The following KAT6B variants were observed in gnomAD, a reference collection of about 807,000 sequenced individuals.
KAT6B encodes the protein lysine acetyltransferase 6B, also known as histone acetyltransferase KAT6B.
Under a neutral mutation model 187.5 loss-of-function variants are expected in KAT6B, and 10 were observed. The observed-to-expected ratio is 0.05, with a 90% CI of 0.03 to 0.09. The LOEUF is 0.09. Ranked by LOEUF, KAT6B falls within the 10% of genes least tolerant of loss-of-function variation. The pLI, the probability that KAT6B is intolerant of heterozygous loss-of-function variation, is 1.00. For missense variants in KAT6B, 1,952 were observed against 2,558.9 expected (o/e 0.76, Z 5.12); for synonymous variants, 861 against 926.8 (o/e 0.93, Z 1.29).
In KAT6B at chr10:75,028,604, G is replaced by A. The variant is rs773926507; in HGVS notation, c.3780G>A (p.Arg1260=). ...KGTKRGLSKW[R]QNKERKTGFK... ...CAAAGCGCGGTCTATCTAAGTGGAG[G>A]CAAAACAAAGAGAGGAAGACCGGAT... The change falls in exon 18 of 18, where the codon AGG becomes AGA. Residue 1260 remains arginine (R), a synonymous_variant. Coordinates refer to ENST00000287239, the MANE Select transcript of KAT6B (RefSeq NM_012330.4). 6.2e-7 allele frequency: 1 copy of A among 1,614,128 alleles called. No individual in the cohort carries two copies. Among genetic ancestry groups the A allele is most frequent in the South Asian group, 1.1e-5 (1 of 91,074 alleles).
At chr10:74,834,750 C>T (rs1418272160) in intron 1 of KAT6B, among the ~76,000 whole-genome samples, 1 of 152,032 alleles carries the variant, frequency 6.6e-6, no homozygotes, top group African/African-American at 2.4e-5. Context: ...GAGCTCCTGG[C>T]CTCAAGTAAT....
At chr10:74,944,546 C>T (rs2133328559) in intron 3 of KAT6B, among the ~76,000 whole-genome samples, 1 of 152,250 alleles carries the variant, frequency 6.6e-6, no homozygotes, top group South Asian at 2.1e-4. Flanking sequence ...CGCGGTGGCT[C>T]ACGCCTGTAA....
intron 3 of KAT6B, among the ~76,000 whole-genome samples, chr10:74,898,472 A>G (rs1374814964): frequency 6.6e-6 from 1 of 151,744 alleles, no homozygotes; most frequent in Non-Finnish European, 1.5e-5. Flanking sequence ...TTTTAAGGGA[A>G]TAGGGTCTTA....
chr10:74,903,896 AT>A (rs1358305096), intron 3 of KAT6B, among the ~76,000 whole-genome samples: 1 of 152,242 alleles, frequency 6.6e-6, no homozygotes, highest in African/African-American at 2.4e-5. Flanking sequence ...AAACTGGTGT[AT>A]GGAATCAGGA....
intron 17 of KAT6B, among the ~76,000 whole-genome samples, chr10:75,026,816 G>A (rs537640005): frequency 1.1e-4 from 17 of 152,028 alleles, no homozygotes; most frequent in Non-Finnish European, 1.8e-4. Context: ...ACAAAAGCCG[G>A]TAGGTCCAGT....
At chr10:74,845,291 G>C (rs1842010699) in intron 3 of KAT6B, among the ~76,000 whole-genome samples, 1 of 152,014 alleles carries the variant, frequency 6.6e-6, no homozygotes, top group South Asian at 2.1e-4. Context: ...ACTTTGGGAG[G>C]CTGAGGTGGG....
intron 13 of KAT6B, among the ~76,000 whole-genome samples, chr10:75,017,113 T>A (rs1261619921): frequency 6.6e-6 from 1 of 151,664 alleles, no homozygotes. Context: ...TCTGCCCACC[T>A]CAGCCTCCCA....
chr10:74,928,677 T>G (rs1158857968), intron 3 of KAT6B, among the ~76,000 whole-genome samples: 1 of 152,196 alleles, frequency 6.6e-6, no homozygotes, highest in East Asian at 1.9e-4. Flanking sequence ...GAGAAAGAAA[T>G]ATTTAGTTTT....
At chr10:74,965,779 G>A (rs912927922) in intron 4 of KAT6B, among the ~76,000 whole-genome samples, 1 of 151,078 alleles carries the variant, frequency 6.6e-6, no homozygotes. Context: ...AGGCTGGAGT[G>A]CAGTGGCGTG....
chr10:74,881,642 C>T (rs1183530871), intron 3 of KAT6B, among the ~76,000 whole-genome samples: 2 of 152,140 alleles, frequency 1.3e-5, no homozygotes, highest in Admixed American at 1.3e-4. Context: ...CATTAACCAG[C>T]ACACAGATGG....
At position 74,843,452 on chromosome 10, in the gene KAT6B, A is replaced by G. The variant is rs1402706252; in HGVS notation, c.595A>G (p.Ser199Gly). 2 of 1,613,728 alleles carry G rather than the reference A, an allele frequency of 1.2e-6. No homozygotes were observed. Among genetic ancestry groups the G allele is most frequent in the Non-Finnish European group, 1.7e-6 (2 of 1,180,044 alleles). ...ATTCCCATCCTCGCTCCCACCTGTC[A>G]GCCTTCTACCCCATGAGAAAGACCA... ...SAFPSSLPPV[S>G]LLPHEKDQPR... Residue 199 changes from serine (S) to glycine (G), a missense_variant, in exon 3 of 18, where the codon AGC (serine) becomes GGC (glycine). Coordinates refer to ENST00000287239, the MANE Select transcript of KAT6B (RefSeq NM_012330.4).
intron 3 of KAT6B, among the ~76,000 whole-genome samples, chr10:74,906,577 A>G (rs774310001): frequency 1.1e-4 from 16 of 152,204 alleles, no homozygotes; most frequent in Non-Finnish European, 2.4e-4. Context: ...AATATGGGAT[A>G]AGAGAAAATC....
At chr10:74,949,961 A>G (rs1429176078) in intron 3 of KAT6B, among the ~76,000 whole-genome samples, 1 of 152,230 alleles carries the variant, frequency 6.6e-6, no homozygotes, top group African/African-American at 2.4e-5. Context: ...ATCTCCATAC[A>G]TTAACAATAA....
rs1840991402 is a variant in KAT6B, at chr10:74,960,072, A to T, written c.724A>T (p.Ser242Cys). The part of the protein sequence containing the change: ...EELLSCADCG[S>C]SGHPSCLKFC... ...ACTCCTCTCTTGTGCAGATTGTGGC[A>T]GTAGTGGTAAGTTGTGTTTTTCCTA... The change falls in exon 4 of 18, where the codon AGT becomes TGT. Residue 242 changes from serine (S) to cysteine (C), a missense_variant. Physicochemically the swap from Ser to Cys is moderately radical, Grantham distance 112. Coordinates refer to ENST00000287239, the MANE Select transcript of KAT6B (RefSeq NM_012330.4). 2 of 1,592,266 alleles carry T rather than the reference A, an allele frequency of 1.3e-6. No individual in the cohort carries two copies. Among genetic ancestry groups the T allele is most frequent in the Non-Finnish European group, 1.7e-6 (2 of 1,160,220 alleles).
intron 3 of KAT6B, among the ~76,000 whole-genome samples, chr10:74,953,047 G>C (rs780311333): frequency 2.0e-5 from 3 of 151,230 alleles, no homozygotes; most frequent in Non-Finnish European, 2.9e-5. Context: ...TTAAGATTTT[G>C]TATTTGTTTA....
chr10:74,970,236 T>G, intron 6 of KAT6B, 135 bp downstream of exon 6: 1 of 683,578 alleles, frequency 1.5e-6, no homozygotes, highest in Admixed American at 2.2e-5. Context: ...TACTTCTGAG[T>G]TTAGCACAGG....
rs1449839873 is a variant in KAT6B, at chr10:74,989,096, G to T, written c.2613G>T (p.Arg871=). ...MPQHQRQGFG[R]FLIDFSYLLS... is the part of the protein sequence containing the mutation. ...AGCACCAAAGGCAAGGATTTGGACG[G>T]TTTCTCATTGATTTCAGTAAGTGAA... Residue 871 remains arginine (R), a synonymous_variant, in exon 13 of 18, where the codon CGG becomes CGT. Transcript: ENST00000287239. 21 of 1,612,020 alleles carry T rather than the reference G, an allele frequency of 1.3e-5. No homozygotes were observed. Among genetic ancestry groups the T allele is most frequent in the Non-Finnish European group, 1.8e-5 (21 of 1,178,088 alleles).
At position 74,845,538 on chromosome 10, in the gene KAT6B, A is replaced by C. The variant is rs867446684; in HGVS notation, c.621+2060A>C. The stretch of plus-strand genomic sequence containing the variant: ...CTCTGTCTCAAAAAAAAAAAAAAAA[A>C]CAAAAAAAAAAAGAAGGAAAGAAAT... On this transcript the variant is annotated intron_variant, in intron 3 of 17. Coordinates refer to ENST00000287239, the MANE Select transcript of KAT6B (RefSeq NM_012330.4). Among the ~76,000 whole-genome samples, 155 of 141,830 alleles carry C rather than the reference A, an allele frequency of 1.1e-3. 1 individual carries two copies. Among genetic ancestry groups the C allele is most frequent in the African/African-American group, 4.0e-3 (142 of 35,108 alleles). 93.0% of individuals were successfully genotyped at this position (141,830 alleles called of 152,430 possible). A position where few individuals can be genotyped will look rare whatever the true frequency, so the allele number is the denominator to read the frequency against.
At chr10:74,997,278 C>G (rs2133936222) in intron 13 of KAT6B, among the ~76,000 whole-genome samples, 1 of 126,100 alleles carries the variant, frequency 7.9e-6, no homozygotes, top group Non-Finnish European at 1.6e-5. Flanking sequence ...AATACATAAA[C>G]AAATAGGCAG....
Sources: gnomAD v4.1 joint callset for allele counts (sites outside exome capture counted in the v4.1 genomes callset) on GRCh38, gnomAD v4.1.1 for gene constraint, MANE v1.5 for transcripts, NCBI Gene and HGNC (gene_info 2026-07-23, HGNC 2026-07-21) for gene names.